DDX10: variants seen among roughly 807,000 people sequenced by gnomAD.
DDX10 encodes probable ATP-dependent RNA helicase DDX10.
In DDX10, 74 loss-of-function variants were observed where a neutral mutation model predicts 104.3. The ratio of observed to expected loss-of-function variants is 0.71; its 90% CI spans 0.59 to 0.86. The LOEUF is 0.86. DDX10 is among the 40% of genes least tolerant of loss of function. The pLI is 0.00. For missense variants in DDX10, 952 were observed against 1,040.0 expected, an observed-to-expected ratio of 0.92 and a Z score of 1.16; for synonymous variants, 351 against 353.4, an observed-to-expected ratio of 0.99 and a Z score of 0.08.
intron 10 of DDX10, among the ~76,000 whole-genome samples, chr11:108,710,134 G>C (rs1463747489): frequency 6.6e-6 from 1 of 152,160 alleles, no homozygotes; most frequent in African/African-American, 2.4e-5. Flanking sequence ...CCTGCATAGG[G>C]CACTTACCAC....
At chr11:108,775,055 C>T (rs956351291) in intron 13 of DDX10, among the ~76,000 whole-genome samples, 65 of 152,150 alleles carry the variant, frequency 4.3e-4, no homozygotes, top group African/African-American at 1.5e-3. Flanking sequence ...ACAGAGACCA[C>T]GGTGAAACGT....
chr11:108,699,217 A>C (rs1389991701), intron 9 of DDX10, among the ~76,000 whole-genome samples: 1 of 152,106 alleles, frequency 6.6e-6, no homozygotes, highest in Non-Finnish European at 1.5e-5. Context: ...GATCTTACCT[A>C]ATATGTTAAT....
At chr11:108,756,314 G>A (rs1364565291) in intron 13 of DDX10, among the ~76,000 whole-genome samples, 1 of 152,052 alleles carries the variant, frequency 6.6e-6, no homozygotes, top group Non-Finnish European at 1.5e-5. Context: ...TACTAGTGCT[G>A]TGAGACCACA....
At chr11:108,758,871 A>T (rs955440263) in intron 13 of DDX10, among the ~76,000 whole-genome samples, 16 of 152,032 alleles carry the variant, frequency 1.1e-4, no homozygotes, top group Non-Finnish European at 2.9e-5. Context: ...GGATGCCAGG[A>T]TTAGCATGTG....
At chr11:108,713,075 C>T (rs1024039444) in intron 10 of DDX10, among the ~76,000 whole-genome samples, 2 of 152,082 alleles carry the variant, frequency 1.3e-5, no homozygotes, top group Non-Finnish European at 1.5e-5. Context: ...CCCCCGTCCA[C>T]TTCTTTCAGG....
intron 7 of DDX10, 107 bp from the exon 8 acceptor site, chr11:108,691,769 G>A (rs2094252820): frequency 1.4e-5 from 12 of 854,458 alleles, no homozygotes; most frequent in Non-Finnish European, 2.0e-5. Flanking sequence ...TTGGAATTGG[G>A]TATCACATTG....
rs1458516613 is a variant in DDX10 at position 108,934,920 on chromosome 11, A to T, written c.2451-5326A>T. Among the ~76,000 whole-genome samples the T allele has an allele frequency of 7.2e-5, 11 of 151,970 alleles. 1 individual carries two copies. The East Asian group carries it at 1.9e-3, about 27-fold the overall frequency. On this transcript the variant is annotated intron_variant, in intron 17 of 17. Transcript: ENST00000322536. ...TTCTGGGGGTGCTCCCACACGTGACACTCTCCTCTGTTAACTCCGCTGGAA... is the reference window on the plus strand; with the variant it reads ...TTCTGGGGGTGCTCCCACACGTGACTCTCTCCTCTGTTAACTCCGCTGGAA...
intron 6 of DDX10, among the ~76,000 whole-genome samples, chr11:108,688,454 A>T (rs2094247619): frequency 6.6e-6 from 1 of 152,192 alleles, no homozygotes; most frequent in African/African-American, 2.4e-5. Context: ...AGATATCTGT[A>T]TTCTCTCCAA....
intron 16 of DDX10, among the ~76,000 whole-genome samples, chr11:108,892,963 T>A (rs1298183621): frequency 1.3e-5 from 2 of 152,162 alleles, no homozygotes; most frequent in Admixed American, 6.6e-5. Flanking sequence ...GCCCTGTAAG[T>A]TCCAACTCAT....
In DDX10 at chr11:108,676,544, C is replaced by CT. The variant is rs1430419859; in HGVS notation, c.379-541_379-540insT. 2.0e-5 allele frequency among the ~76,000 whole-genome samples: 3 copies of CT among 152,148 alleles called. No individual in the cohort carries two copies. In the East Asian group the frequency reaches 5.8e-4, roughly 29 times the overall value. ...CACTGCAACCTCTGCCTCCCAGGTT[C>CT]AAGCGATTCTTTCTGCCTCAGCCTC... On this transcript the variant is annotated intron_variant, in intron 3 of 17. Coordinates refer to ENST00000322536, the MANE Select transcript of DDX10 (RefSeq NM_004398.4).
intron 17 of DDX10, among the ~76,000 whole-genome samples, chr11:108,934,561 C>T (rs1864013285): frequency 6.6e-6 from 1 of 152,052 alleles, no homozygotes; most frequent in South Asian, 2.1e-4. Context: ...GGGAAATGAA[C>T]ATTTATGTAA....
intron 16 of DDX10, among the ~76,000 whole-genome samples, chr11:108,898,059 GA>G (rs1863464149): frequency 6.6e-6 from 1 of 152,030 alleles, no homozygotes; most frequent in African/African-American, 2.4e-5. Flanking sequence ...GGCTAAGAAA[GA>G]AAAAAACTCT....
Position 108,687,918 on chromosome 11 carries a change from G to A in DDX10, c.849-1018G>A, listed in dbSNP as rs533973526. 2.6e-5 allele frequency among the ~76,000 whole-genome samples: 4 copies of A among 152,246 alleles called. No homozygotes were observed. The South Asian group carries it at 8.3e-4, about 32-fold the overall frequency. On this transcript the variant is annotated intron_variant, in intron 6 of 17. Coordinates refer to ENST00000322536, the MANE Select transcript of DDX10 (RefSeq NM_004398.4). ...TGTAAACACAGACACACATGGGTGG[G>A]CATGTATATGGATATATAATGTATA...
At chr11:108,853,575 T>C (rs1012201182) in intron 16 of DDX10, among the ~76,000 whole-genome samples, 3 of 152,130 alleles carry the variant, frequency 2.0e-5, no homozygotes, top group Non-Finnish European at 4.4e-5. Context: ...TGTAAGAAGT[T>C]GCTATCACCC....
intron 13 of DDX10, among the ~76,000 whole-genome samples, chr11:108,742,699 A>G (rs757546248): frequency 2.6e-5 from 4 of 152,192 alleles, no homozygotes; most frequent in Admixed American, 1.3e-4. Flanking sequence ...ACAATCAGAA[A>G]TGACAGAACA....
intron 13 of DDX10, among the ~76,000 whole-genome samples, chr11:108,747,326 G>A (rs1180725803): frequency 6.6e-6 from 1 of 152,168 alleles, no homozygotes. Context: ...TCAGTTGGTA[G>A]TGATACCCTG....
chr11:108,773,197 G>C (rs184254371), intron 13 of DDX10, among the ~76,000 whole-genome samples: 12 of 152,244 alleles, frequency 7.9e-5, no homozygotes, highest in African/African-American at 2.9e-4. Flanking sequence ...ATGAACTTAC[G>C]ATACTGGCAT....
intron 9 of DDX10, among the ~76,000 whole-genome samples, chr11:108,705,220 C>T (rs2094274143): frequency 6.6e-6 from 1 of 152,156 alleles, no homozygotes; most frequent in African/African-American, 2.4e-5. Flanking sequence ...CTTGTATTTT[C>T]TGGCTTCCAC....
intron 13 of DDX10, among the ~76,000 whole-genome samples, chr11:108,815,453 T>C (rs746019304): frequency 5.3e-5 from 8 of 152,220 alleles, no homozygotes; most frequent in Non-Finnish European, 1.0e-4. Context: ...GTTGACCTTC[T>C]GTATACACAG....
Sources: allele counts gnomAD v4.1 joint callset (sites outside exome capture counted in the v4.1 genomes callset), GRCh38; gene constraint gnomAD v4.1.1; transcripts MANE v1.5; gene names NCBI Gene and HGNC (gene_info 2026-07-23, HGNC 2026-07-21).